The following OPLAH variants were observed in gnomAD, a reference collection of about 807,000 sequenced individuals.
OPLAH encodes 5-oxoprolinase.
Under a neutral mutation model 122.8 loss-of-function variants are expected in OPLAH, and 103 were observed. The observed-to-expected ratio is 0.84, with a 90% confidence interval of 0.71 to 0.99. OPLAH has a LOEUF of 0.99. Ranked by LOEUF, OPLAH falls within the 50% of genes least tolerant of loss-of-function variation. The pLI, the probability that OPLAH is intolerant of heterozygous loss-of-function variation, is 0.00. For synonymous variants in OPLAH, 875 were observed against 796.0 expected, an observed-to-expected ratio of 1.10 and a Z score of -1.67; for missense variants, 1,902 against 1,836.5, an observed-to-expected ratio of 1.04 and a Z score of -0.65.
chr8:144,059,133 G>T (rs1407239232), intron 3 of OPLAH, 54 bp from the exon 4 acceptor site: 9 of 1,430,320 alleles, frequency 6.3e-6, no homozygotes, highest in Non-Finnish European at 8.6e-6. Flanking sequence ...CCAGGCCGGG[G>T]TCCTGTGTGA....
downstream of OPLAH, chr8:144,051,083 G>C: frequency 7.4e-7 from 1 of 1,360,000 alleles, no homozygotes; most frequent in East Asian, 3.1e-5. Context: ...TGCGGCACTG[G>C]GACGACCCTC....
rs1835478520 is a variant in OPLAH, at chr8:144,055,075, TG to T, written c.2362del (p.His788ThrfsTer31). On this transcript the variant is annotated frameshift_variant, in exon 17 of 27. Coordinates refer to ENST00000618853, the MANE Select transcript of OPLAH (RefSeq NM_017570.5). LOFTEE classifies it high-confidence loss of function. The surrounding 1 kb of genome is among the most constrained non-coding windows in gnomAD (Gnocchi z 6.5). Reference protein sequence around the residue: ...PDGGLVSNAPHIPVHLGAMQE... With the variant: ...PDGGLVSNAPXIPVHLGAMQE... Reference sequence around the variant, plus strand: ...CATGGCACCCAGGTGCACAGGGATGTGGGGGGCATTGGACACCAGCCCCCCA... The same window carrying T: ...CATGGCACCCAGGTGCACAGGGATGTGGGGGCATTGGACACCAGCCCCCCA... The T allele has an allele frequency of 1.9e-6, 3 of 1,555,462 alleles. No individual in the cohort carries two copies. The highest frequency in any genetic ancestry group is 1.8e-4 in the Middle Eastern group (1 of 5,590).
In OPLAH at chr8:144,055,650, A is replaced by G; in HGVS notation, c.2248+138T>C. 1 of 1,068,728 alleles carries G rather than the reference A, an allele frequency of 9.4e-7. No individual in the cohort carries two copies. The highest frequency in any genetic ancestry group is 1.3e-6 in the Non-Finnish European group (1 of 779,510). 66.2% of individuals were successfully genotyped at this position (1,068,728 alleles called of 1,614,324 possible). Reference sequence around the variant, plus strand: ...TTGTTCTCATGGCCAACTGCACCACACCAGTGCTGCGGCCACACTGCCCGC... The same window carrying G: ...TTGTTCTCATGGCCAACTGCACCACGCCAGTGCTGCGGCCACACTGCCCGC... On this transcript the variant is annotated intron_variant, in intron 16 of 26. Transcript: ENST00000618853. This position sits in a 1 kb window ranked among gnomAD's most constrained non-coding sequence, Gnocchi z 6.5.
intron 12 of OPLAH, 49 bp downstream of exon 12, chr8:144,056,899 G>A (rs782031512): frequency 1.5e-5 from 23 of 1,528,452 alleles, no homozygotes; most frequent in South Asian, 3.7e-5. Flanking sequence ...CACCAAGGGC[G>A]TGGTGAGGAC....
In OPLAH at chr8:144,058,392, A is replaced by C. The variant is rs1554759983; in HGVS notation, c.796T>G (p.Leu266Val). ...AGGCCGCCATCGGAGCGCATGAACA[A>C]CACCTGCACATCCTGCGAGCGGGCA... is the stretch of plus-strand genomic sequence containing the variant. ...FQGQLKDVQV[L>V]FMRSDGGLAP... Residue 266 changes from leucine to valine, a missense_variant, in exon 7 of 27, where the codon TTG becomes GTG. Transcript: ENST00000618853. 3.1e-6 allele frequency: 5 copies of C among 1,591,844 alleles called. No homozygotes were observed. Among genetic ancestry groups the C allele is most frequent in the Admixed American group, 1.7e-5 (1 of 57,936 alleles).
intron 9 of OPLAH, 41 bp downstream of exon 9, chr8:144,057,815 A>G (rs1554759712): frequency 6.2e-7 from 1 of 1,604,506 alleles, no homozygotes; most frequent in African/African-American, 1.3e-5. Context: ...TGCGGCGGCA[A>G]GCGGAGGGCA....
chr8:144,058,318 C>T lies in OPLAH; in HGVS notation c.870G>A (p.Pro290=), dbSNP rs782821148. The T allele has an allele frequency of 3.8e-5, 61 of 1,603,154 alleles. No homozygotes were observed. The highest frequency in any genetic ancestry group is 1.1e-4 in the African/African-American group (8 of 74,726). ...CTGAGTAGCCCACCACGCCGCCGGC[C>T]GGGCCCGAGAGCACAGCACTGGAGC... is the stretch of plus-strand genomic sequence containing the variant. The part of the protein sequence containing the change: ...FSGSSAVLSG[P]AGGVVGYSAT... The change falls in exon 7 of 27, where the codon CCG becomes CCA. Residue 290 remains proline (P), a synonymous_variant. Coordinates refer to ENST00000618853, the MANE Select transcript of OPLAH (RefSeq NM_017570.5).
Position 144,055,140 on chromosome 8 carries a change from C to G in OPLAH, c.2298G>C (p.Lys766Asn). The G allele has an allele frequency of 6.3e-7, 1 of 1,582,390 alleles. No homozygotes were observed. The highest frequency in any genetic ancestry group is 8.6e-7 in the Non-Finnish European group (1 of 1,164,960). ...LQRTAISTNIKERLDFSCALF... is the reference protein window; with the variant it reads ...LQRTAISTNINERLDFSCALF... ...GGGCACAGGAGAAGTCCAGACGCTC[C>G]TTGATGTTGGTGGAGATGGCTGTGC... The change falls in exon 17 of 27, where the codon AAG becomes AAC. Residue 766 changes from lysine (K) to asparagine (N), a missense_variant. By Grantham distance (94) the Lys-to-Asn change is moderately conservative. This residue lies in a region of OPLAH where 1,726 missense variants were observed against 1,642.1 expected (regional missense o/e 1.05). Coordinates refer to ENST00000618853, the MANE Select transcript of OPLAH (RefSeq NM_017570.5). This position sits in a 1 kb window ranked among gnomAD's most constrained non-coding sequence, Gnocchi z 6.5.
chr8:144,052,369 G>T (rs1554757892), intron 23 of OPLAH, 43 bp from the exon 24 acceptor site: 1 of 1,510,374 alleles, frequency 6.6e-7, no homozygotes, highest in South Asian at 1.2e-5. Flanking sequence ...GGGGCAGGGC[G>T]TCCCCACCTC....
intron 5 of OPLAH, 40 bp from the exon 6 acceptor site, chr8:144,058,731 C>G: frequency 6.3e-7 from 1 of 1,581,852 alleles, no homozygotes; most frequent in Non-Finnish European, 8.6e-7. Context: ...TCCCACCAGG[C>G]CCGGCACCTG....
chr8:144,061,299 G>A (rs144429398), upstream of OPLAH, among the ~76,000 whole-genome samples: 510 of 152,260 alleles, frequency 3.3e-3, 3 homozygotes, highest in African/African-American at 0.012. Context: ...CAACACACAG[G>A]TCATAAAAAC....
chr8:144,058,103 A>T lies in OPLAH; in HGVS notation c.995T>A (p.Val332Asp). ...VSRYAGEFEH[V>D]FEASTAGVTL... ...GACGCCAGCTGTGCTGGCCTCGAAG[A>T]CGTGCTCGAATTCCCCAGCATAGCG... Residue 332 changes from valine to aspartate, a missense_variant, in exon 8 of 27, where the codon GTC (valine) becomes GAC (aspartate). By Grantham distance (152) the Val-to-Asp change is radical (BLOSUM62 -3). This residue lies in a region of OPLAH where 1,726 missense variants were observed against 1,642.1 expected (regional missense o/e 1.05). Coordinates refer to ENST00000618853, the MANE Select transcript of OPLAH (RefSeq NM_017570.5). 3 of 1,612,450 alleles carry T rather than the reference A, an allele frequency of 1.9e-6. No homozygotes were observed. The highest frequency in any genetic ancestry group is 2.5e-6 in the Non-Finnish European group (3 of 1,179,800).
upstream of OPLAH, among the ~76,000 whole-genome samples, chr8:144,063,372 G>A (rs539505708): frequency 1.4e-4 from 22 of 152,312 alleles, no homozygotes; most frequent in Non-Finnish European, 2.4e-4. The surrounding 1 kb of genome is among the most constrained non-coding windows in gnomAD (Gnocchi z 4.2). Context: ...TTCCCCCAGG[G>A]ATATGGCTGT....
Position 144,052,206 on chromosome 8 carries a change from T to C in OPLAH, c.3424A>G (p.Asn1142Asp). ...GRSGVHSHMT[N>D]TRITDPEILE... ...ATCTCAGGGTCGGTGATGCGTGTGT[T>C]GGTCATGTGGCTGTGCACACCGCTG... The change falls in exon 24 of 27, where the codon AAC becomes GAC. Residue 1142 changes from asparagine to aspartate, a missense_variant. Coordinates refer to ENST00000618853, the MANE Select transcript of OPLAH (RefSeq NM_017570.5). 1.3e-6 allele frequency: 2 copies of C among 1,580,956 alleles called. No individual in the cohort carries two copies. The highest frequency in any genetic ancestry group is 1.7e-6 in the Non-Finnish European group (2 of 1,167,958).
At position 144,057,285 on chromosome 8, in the gene OPLAH, G is replaced by C. The variant is rs782770817; in HGVS notation, c.1458C>G (p.Ala486=). The C allele has an allele frequency of 1.2e-6, 2 of 1,612,462 alleles. No individual in the cohort carries two copies. The highest frequency in any genetic ancestry group is 2.2e-5 in the South Asian group (2 of 91,040). The change falls in exon 11 of 27, where the codon GCC becomes GCG. Residue 486 remains alanine (A), a synonymous_variant. Coordinates refer to ENST00000618853, the MANE Select transcript of OPLAH (RefSeq NM_017570.5). The part of the protein sequence containing the change: ...RGHDPSAHVL[A]CFGGAGGQHA... Reference sequence around the variant, plus strand: ...GCTGCCCACCAGCTCCCCCAAAGCAGGCCAGCACATGGGCTGAGGGGTCAT... The same window carrying C: ...GCTGCCCACCAGCTCCCCCAAAGCACGCCAGCACATGGGCTGAGGGGTCAT...
chr8:144,050,470 G>A, downstream of OPLAH: 7 of 985,650 alleles, frequency 7.1e-6, no homozygotes, highest in Non-Finnish European at 7.2e-6. Context: ...TCCAGCAGGA[G>A]AGGAGGGCGA....
Position 144,058,607 on chromosome 8 carries a change from G to A in OPLAH, c.672C>T (p.Pro224=), listed in dbSNP as rs368105559. Residue 224 remains proline (P), a synonymous_variant, in exon 6 of 27, where the codon CCC becomes CCT. Transcript: ENST00000618853. Reference sequence around the variant, plus strand: ...GCCCCCGAGGGACGATGCGCACCATGGGCATGGCCTCCGAGGACAGTGACA... The same window carrying A: ...GCCCCCGAGGGACGATGCGCACCATAGGCATGGCCTCCGAGGACAGTGACA... ...THVSLSSEAM[P]MVRIVPRGHT... is the part of the protein sequence containing the mutation. 8.7e-6 allele frequency: 14 copies of A among 1,603,424 alleles called. No individual in the cohort carries two copies. The South Asian group carries it at 1.1e-4, about 13-fold the overall frequency.
In OPLAH at chr8:144,052,820, G is replaced by C. The variant is rs1382510054; in HGVS notation, c.3099C>G (p.Ser1033=). Residue 1033 remains serine (S), a synonymous_variant, in exon 22 of 27, where the codon TCC becomes TCG. Transcript: ENST00000618853. ...NLNAPRAVTL[S]ALIYCLRCLV... Reference sequence around the variant, plus strand: ...GACAGCGCAGGCAGTAGATGAGGGCGGACAGGGTTACGGCCCGCGGTGCGT... The same window carrying C: ...GACAGCGCAGGCAGTAGATGAGGGCCGACAGGGTTACGGCCCGCGGTGCGT... 1 of 1,560,388 alleles carries C rather than the reference G, an allele frequency of 6.4e-7. No homozygotes were observed. Among genetic ancestry groups the C allele is most frequent in the South Asian group, 1.2e-5 (1 of 84,698 alleles).
At chr8:144,051,164 C>A, downstream of OPLAH, 1 of 1,433,716 alleles carries the variant, frequency 7.0e-7, no homozygotes, top group Non-Finnish European at 9.1e-7. Context: ...TCACGGACCA[C>A]CGGGCAGTGC....
Sources: gnomAD v4.1 joint callset for allele counts (sites outside exome capture counted in the v4.1 genomes callset) on GRCh38, gnomAD v4.1.1 for gene constraint, gnomAD v4.1.1 regional missense constraint, Gnocchi (gnomAD v3.1) non-coding constraint, MANE v1.5 for transcripts, NCBI Gene and HGNC (gene_info 2026-07-23, HGNC 2026-07-21) for gene names.